Variants in CSMD1 observed in about 807,000 individuals in gnomAD.
CSMD1 encodes CUB and sushi domain-containing protein 1.
A neutral mutation model predicts 417.5 loss-of-function variants in CSMD1; 213 were observed. The ratio of observed to expected loss-of-function variants is 0.51; its 90% CI spans 0.46 to 0.57. The LOEUF (loss-of-function observed/expected upper bound fraction) is 0.57. Ranked by LOEUF, CSMD1 falls within the 20% of genes least tolerant of loss-of-function variation. The pLI is 0.00. For missense variants in CSMD1, 6,923 were observed against 4,529.7 expected, an observed-to-expected ratio of 1.53 and a Z score of -15.17; for synonymous variants, 2,862 against 1,736.8, an observed-to-expected ratio of 1.65 and a Z score of -16.11.
chr8:4,697,656 G>T (rs1807229261), intron 1 of CSMD1, among the ~76,000 whole-genome samples: 1 of 152,118 alleles, frequency 6.6e-6, no homozygotes, highest in Non-Finnish European at 1.5e-5. Context: ...GATATTAGTT[G>T]CTGGTTACAC....
At chr8:4,597,665 G>GA (rs1157757904) in intron 2 of CSMD1, among the ~76,000 whole-genome samples, 5 of 151,866 alleles carry the variant, frequency 3.3e-5, no homozygotes, top group Admixed American at 6.6e-5. Context: ...AACACAATCA[G>GA]AAAAAAAATG....
In CSMD1 at chr8:4,602,856, T is replaced by A. The variant is rs1006401569; in HGVS notation, c.302+34486A>T. On this transcript the variant is annotated intron_variant, in intron 2 of 69. Transcript: ENST00000635120. ...TGTATTAATAAACAATAAAAAGAAA[T>A]CTTTTATTATAATTATATAAATAAT... Among the ~76,000 whole-genome samples the A allele has an allele frequency of 1.3e-5, 2 of 151,918 alleles. 1 individual carries two copies. The highest frequency in any genetic ancestry group is 3.9e-4 in the East Asian group (2 of 5,190).
At position 3,151,439 on chromosome 8, in the gene CSMD1, T is replaced by C. The variant is rs1474579860; in HGVS notation, c.5989A>G (p.Asn1997Asp). ...GAGATCCTCCAGGTGCAGTCTAAGT[T>C]GTTGGGGTAAGAACCTGGGAAGCCG... ...SPGFPGSYPN[N>D]LDCTWRISLP... The change falls in exon 40 of 70, where the codon AAC becomes GAC. Residue 1997 changes from asparagine to aspartate, a missense_variant. Coordinates refer to ENST00000635120, the MANE Select transcript of CSMD1 (RefSeq NM_033225.6). The C allele has an allele frequency of 6.2e-7, 1 of 1,613,736 alleles. No homozygotes were observed. Among genetic ancestry groups the C allele is most frequent in the African/African-American group, 1.3e-5 (1 of 74,908 alleles).
intron 12 of CSMD1, among the ~76,000 whole-genome samples, chr8:3,459,499 G>T (rs536027283): frequency 6.6e-6 from 1 of 152,124 alleles, no homozygotes. Context: ...CCACGCATGC[G>T]GCAGTCGGAG....
chr8:3,085,942 G>C (rs781294150), intron 49 of CSMD1, among the ~76,000 whole-genome samples: 2 of 152,138 alleles, frequency 1.3e-5, no homozygotes, highest in Admixed American at 6.5e-5. Flanking sequence ...TCCACCTCTA[G>C]AGGACAGGAA....
At chr8:4,638,283 A>G (rs902692658) in intron 1 of CSMD1, among the ~76,000 whole-genome samples, 3 of 152,170 alleles carry the variant, frequency 2.0e-5, no homozygotes, top group Admixed American at 2.0e-4. Context: ...AACTATATAC[A>G]TACACACCTA....
rs1554457300 is a variant in CSMD1, at chr8:4,390,497, T to TTCTATTTATTTATTTATTTA, written c.415+29455_415+29456insTAAATAAATAAATAAATAGA. Among the ~76,000 whole-genome samples the TTCTATTTATTTATTTATTTA allele has an allele frequency of 6.4e-5, 9 of 140,364 alleles. No homozygotes were observed. In the East Asian group the frequency reaches 1.8e-3, roughly 29 times the overall value. The allele number at this position is 140,364 out of a possible 152,430, so 92.1% of individuals were successfully genotyped here. On this transcript the variant is annotated intron_variant, in intron 3 of 69. Transcript: ENST00000635120. ...AACTGTTACCCACAGAAGCGTCCAT[T>TTCTATTTATTTATTTATTTA]TTTATTTATTTATTTATTTATTTAT...
chr8:3,161,732 G>A (rs968395877), intron 38 of CSMD1, among the ~76,000 whole-genome samples: 1 of 151,358 alleles, frequency 6.6e-6, no homozygotes, highest in Non-Finnish European at 1.5e-5. Context: ...TTATTTTGGT[G>A]CCTTATCTAC....
chr8:4,170,767 G>C (rs907698926), intron 3 of CSMD1, among the ~76,000 whole-genome samples: 2 of 151,578 alleles, frequency 1.3e-5, no homozygotes, highest in African/African-American at 4.9e-5. Flanking sequence ...GTAGCTAAGG[G>C]ACACAGAATT....
chr8:4,018,759 G>C (rs188376424), intron 4 of CSMD1, among the ~76,000 whole-genome samples: 1 of 152,276 alleles, frequency 6.6e-6, no homozygotes, highest in South Asian at 2.1e-4. Flanking sequence ...GACAAGGGCC[G>C]TGGCACAGAC....
At chr8:3,337,643 T>C (rs1807356846) in intron 23 of CSMD1, among the ~76,000 whole-genome samples, 1 of 152,168 alleles carries the variant, frequency 6.6e-6, no homozygotes, top group African/African-American at 2.4e-5. Flanking sequence ...GTCCATGGCC[T>C]TAAGCTCAAC....
chr8:4,258,791 T>C (rs1803665643), intron 3 of CSMD1, among the ~76,000 whole-genome samples: 1 of 152,066 alleles, frequency 6.6e-6, no homozygotes, highest in Admixed American at 6.5e-5. Context: ...AGCTGAATAT[T>C]TAGAGGCAAC....
At chr8:4,479,008 C>T (rs961584621) in intron 2 of CSMD1, among the ~76,000 whole-genome samples, 6 of 152,266 alleles carry the variant, frequency 3.9e-5, no homozygotes, top group Non-Finnish European at 7.4e-5. Context: ...CACTAAAACA[C>T]TGTTGCAATT....
At chr8:3,896,935 G>C (rs918795589) in intron 5 of CSMD1, among the ~76,000 whole-genome samples, 4 of 151,820 alleles carry the variant, frequency 2.6e-5, no homozygotes, top group Non-Finnish European at 4.4e-5. Context: ...CACAAATCAT[G>C]TCATCAATAC....
chr8:4,834,380 GAT>G (rs1307450298), intron 1 of CSMD1, among the ~76,000 whole-genome samples: 1 of 152,098 alleles, frequency 6.6e-6, no homozygotes, highest in Non-Finnish European at 1.5e-5. Flanking sequence ...CGTTAGGAGA[GAT>G]ATAAGCAATA....
intron 27 of CSMD1, among the ~76,000 whole-genome samples, chr8:3,228,031 G>C (rs1585717989): frequency 6.6e-6 from 1 of 152,118 alleles, no homozygotes; most frequent in Admixed American, 6.6e-5. Context: ...GCCTCCTAAA[G>C]TGCTGGGATT....
chr8:3,894,264 C>T (rs1396354467), intron 5 of CSMD1, among the ~76,000 whole-genome samples: 2 of 152,160 alleles, frequency 1.3e-5, no homozygotes, highest in Admixed American at 6.5e-5. Flanking sequence ...CCCATCTCCA[C>T]ACTGTAATCT....
At chr8:4,224,335 G>A (rs1801218440) in intron 3 of CSMD1, among the ~76,000 whole-genome samples, 1 of 152,114 alleles carries the variant, frequency 6.6e-6, no homozygotes, top group Admixed American at 6.5e-5. Context: ...AGCACATTTT[G>A]GCAGCCTTAG....
At chr8:4,724,641 AAG>A (rs1809296661) in intron 1 of CSMD1, among the ~76,000 whole-genome samples, 1 of 152,020 alleles carries the variant, frequency 6.6e-6, no homozygotes, top group Non-Finnish European at 1.5e-5. Flanking sequence ...AAATAAATGT[AAG>A]TTTCACACAG....
Sources: allele counts gnomAD v4.1 joint callset (sites outside exome capture counted in the v4.1 genomes callset), GRCh38; gene constraint gnomAD v4.1.1; transcripts MANE v1.5; gene names NCBI Gene and HGNC (gene_info 2026-07-23, HGNC 2026-07-21).